The following GRID1 variants were observed in gnomAD, a reference collection of about 807,000 sequenced individuals.
The protein encoded by GRID1 is glutamate receptor ionotropic, delta-1.
Under a neutral mutation model 98.0 loss-of-function variants are expected in GRID1, and 28 were observed. That is an observed-to-expected ratio of 0.29 (90% confidence interval 0.21 to 0.39). The LOEUF (loss-of-function observed/expected upper bound fraction) is 0.39, where lower values mean the gene tolerates loss of function less well. Among genes scored for constraint, GRID1 ranks in the 10% least tolerant of loss-of-function variants. The pLI is 1.00. For synonymous variants in GRID1, 553 were observed against 538.5 expected (o/e 1.03, Z -0.37); for missense variants, 1,111 against 1,340.5 (o/e 0.83, Z 2.67).
At chr10:86,203,323 C>G (rs1845979293) in intron 3 of GRID1, among the ~76,000 whole-genome samples, 1 of 152,066 alleles carries the variant, frequency 6.6e-6, no homozygotes, top group Non-Finnish European at 1.5e-5. Flanking sequence ...GCTGTATTAG[C>G]AATGTGTATC....
intron 2 of GRID1, among the ~76,000 whole-genome samples, chr10:86,245,684 TC>T (rs1257297773): frequency 1.6e-4 from 25 of 152,210 alleles, no homozygotes; most frequent in African/African-American, 6.0e-4. Context: ...TCTCAGGTGG[TC>T]CTTGAAGCCA....
chr10:85,814,360 A>C (rs1285692834), intron 8 of GRID1, among the ~76,000 whole-genome samples: 1 of 151,936 alleles, frequency 6.6e-6, no homozygotes, highest in African/African-American at 2.4e-5. Flanking sequence ...AAAATAAATA[A>C]CCTAAGTTTC....
intron 12 of GRID1, among the ~76,000 whole-genome samples, chr10:85,659,006 A>C (rs1840934464): frequency 6.6e-6 from 1 of 152,194 alleles, no homozygotes; most frequent in African/African-American, 2.4e-5. Flanking sequence ...ATAATGGAAA[A>C]ATGATAAGCT....
chr10:85,937,307 G>A (rs1391723873), intron 4 of GRID1, among the ~76,000 whole-genome samples: 2 of 152,220 alleles, frequency 1.3e-5, no homozygotes, highest in African/African-American at 4.8e-5. Context: ...AGATGCAGGA[G>A]GTCAAAATGT....
chr10:85,833,203 C>T (rs1842884273), intron 8 of GRID1, among the ~76,000 whole-genome samples: 1 of 152,188 alleles, frequency 6.6e-6, no homozygotes, highest in Non-Finnish European at 1.5e-5. Context: ...CACAAGCAGT[C>T]CCCAGCCAGG....
intron 4 of GRID1, among the ~76,000 whole-genome samples, chr10:86,034,017 T>C (rs1843221990): frequency 6.6e-6 from 1 of 152,260 alleles, no homozygotes; most frequent in African/African-American, 2.4e-5. Context: ...ACAATGTTAT[T>C]CAAATTTACA....
chr10:86,278,938 C>G (rs775213686), intron 2 of GRID1, among the ~76,000 whole-genome samples: 4 of 152,292 alleles, frequency 2.6e-5, no homozygotes, highest in Non-Finnish European at 5.9e-5. Context: ...AAAATTACCA[C>G]CATAACAAAA....
intron 11 of GRID1, 50 bp from the exon 12 acceptor site, chr10:85,723,191 C>A: frequency 6.4e-7 from 1 of 1,551,718 alleles, no homozygotes; most frequent in South Asian, 1.2e-5. Context: ...GCTCTCCCTC[C>A]TATCCCCAGG....
intron 4 of GRID1, among the ~76,000 whole-genome samples, chr10:86,040,182 T>C (rs1279331014): frequency 9.9e-5 from 15 of 152,160 alleles, no homozygotes; most frequent in Admixed American, 9.8e-4. Context: ...AAAAACAGTA[T>C]GCAGTTTCCT....
intron 2 of GRID1, among the ~76,000 whole-genome samples, chr10:86,359,239 G>T (rs115503835): frequency 6.6e-6 from 1 of 152,194 alleles, no homozygotes; most frequent in Non-Finnish European, 1.5e-5. Flanking sequence ...AGCCTCTGAT[G>T]GTGTCTGGTG....
chr10:85,991,719 A>G (rs1417067678), intron 4 of GRID1, among the ~76,000 whole-genome samples: 1 of 152,176 alleles, frequency 6.6e-6, no homozygotes, highest in Non-Finnish European at 1.5e-5. Flanking sequence ...GAAAATAGGA[A>G]GATGGTTAGC....
intron 8 of GRID1, among the ~76,000 whole-genome samples, chr10:85,844,686 G>T (rs141526605): frequency 4.6e-5 from 7 of 151,966 alleles, no homozygotes; most frequent in Admixed American, 2.0e-4. Flanking sequence ...AAAAGGAAGA[G>T]AAATTAGATG....
intron 12 of GRID1, among the ~76,000 whole-genome samples, chr10:85,687,493 G>A (rs994824487): frequency 6.6e-5 from 10 of 152,066 alleles, no homozygotes; most frequent in East Asian, 1.9e-4. Flanking sequence ...GACCAGGCAC[G>A]GTGGATCATG....
At chr10:85,703,497 G>A (rs1411722763) in intron 12 of GRID1, among the ~76,000 whole-genome samples, 1 of 151,994 alleles carries the variant, frequency 6.6e-6, no homozygotes, top group African/African-American at 2.4e-5. Context: ...CTGGGTCGAA[G>A]ATTCTGTAAA....
intron 5 of GRID1, among the ~76,000 whole-genome samples, chr10:85,889,962 A>C (rs1008649859): frequency 2.0e-5 from 3 of 152,122 alleles, no homozygotes; most frequent in African/African-American, 7.2e-5. Context: ...ATGATGCTTC[A>C]ATTCATACAA....
chr10:85,947,957 G>A (rs1483768808), intron 4 of GRID1, among the ~76,000 whole-genome samples: 2 of 152,178 alleles, frequency 1.3e-5, no homozygotes, highest in Non-Finnish European at 2.9e-5. Flanking sequence ...ACCAAGCTGA[G>A]GAAATTTTTG....
intron 8 of GRID1, among the ~76,000 whole-genome samples, chr10:85,838,661 T>C (rs1273803069): frequency 1.3e-5 from 2 of 151,970 alleles, no homozygotes; most frequent in Admixed American, 6.6e-5. Context: ...GCACTAAATA[T>C]GGAAAAAAAT....
intron 3 of GRID1, among the ~76,000 whole-genome samples, chr10:86,163,892 G>A (rs887075127): frequency 6.6e-5 from 10 of 152,090 alleles, no homozygotes; most frequent in African/African-American, 1.9e-4. Flanking sequence ...AGCACCCCCC[G>A]CTGGTATGTG....
At chr10:86,245,116 G>A (rs1284461849) in intron 2 of GRID1, among the ~76,000 whole-genome samples, 2 of 152,222 alleles carry the variant, frequency 1.3e-5, no homozygotes, top group Admixed American at 6.5e-5. Flanking sequence ...AACCTGGCCT[G>A]GTACAGAGCC....
Sources: allele counts gnomAD v4.1 joint callset (sites outside exome capture counted in the v4.1 genomes callset), GRCh38; gene constraint gnomAD v4.1.1; transcripts MANE v1.5; gene names NCBI Gene and HGNC (gene_info 2026-07-23, HGNC 2026-07-21).